Variants in AMER1 observed in about 807,000 individuals in gnomAD.
AMER1 encodes RP11-403E24.2.
AMER1 carries 16 observed loss-of-function variants against 53.0 expected under a neutral mutation model. That is an observed-to-expected ratio of 0.30 (90% CI 0.20 to 0.46). The LOEUF (loss-of-function observed/expected upper bound fraction) is 0.46, where lower values mean the gene tolerates loss of function less well. Among genes scored for constraint, AMER1 ranks in the 20% least tolerant of loss-of-function variants. The pLI is 1.00. For missense variants in AMER1, 947 were observed against 884.9 expected, an observed-to-expected ratio of 1.07 and a Z score of -0.89; for synonymous variants, 354 against 331.9, an observed-to-expected ratio of 1.07 and a Z score of -0.73.
In AMER1 at chrX:64,187,203, C is replaced by T. The variant is rs1930127162; in HGVS notation, c.*2676G>A. 1 of 787,191 alleles carries T rather than the reference C, an allele frequency of 1.3e-6. No individual in the cohort carries two copies. The highest frequency in any genetic ancestry group is 1.5e-6 in the Non-Finnish European group (1 of 659,022). 64.9% of individuals were successfully genotyped at this position (787,191 alleles called of 1,213,427 possible). ...ACCATGGGTCCCCAGACAGGTCTTC[C>T]TTCCTCCCCTAGGCTGCCATTGGGT... On this transcript the variant is annotated 3_prime_UTR_variant, in exon 2 of 2. Coordinates refer to ENST00000374869, the MANE Select transcript of AMER1 (RefSeq NM_152424.4).
rs369686178 is a variant in AMER1 at position 64,192,666 on chromosome X, G to A, written c.621C>T (p.His207=). Residue 207 remains histidine (H), a synonymous_variant, in exon 2 of 2, where the codon CAC becomes CAT. Transcript: ENST00000374869. ...AGGGCACCTGAGGGGCTGAGCTCAC[G>A]TGCTCATGAGGCCTGGCTCTGACCC... ...PERVRARPHE[H]VSSAPQVPCF... is the part of the protein sequence containing the mutation. The A allele has an allele frequency of 2.2e-5, 26 of 1,165,809 alleles. No individual in the cohort carries two copies. Among genetic ancestry groups the A allele is most frequent in the Admixed American group, 5.2e-5 (2 of 38,127 alleles).
intron 1 of AMER1, among the ~76,000 whole-genome samples, chrX:64,200,923 C>T (rs1168022500): frequency 9.0e-6 from 1 of 111,670 alleles, no homozygotes; most frequent in African/African-American, 3.3e-5. Flanking sequence ...GAGCCACAGC[C>T]CCCAGCAAGA....
chrX:64,200,035 C>T (rs780115409), intron 1 of AMER1, among the ~76,000 whole-genome samples: 54 of 112,804 alleles, frequency 4.8e-4, no homozygotes, highest in Admixed American at 1.5e-3. Context: ...CAGGTTCCTC[C>T]TCAGGCTCTT....
chrX:64,186,480 G>A lies in AMER1; in HGVS notation c.*3399C>T. 2 of 787,757 alleles carry A rather than the reference G, an allele frequency of 2.5e-6. No homozygotes were observed. Among genetic ancestry groups the A allele is most frequent in the Non-Finnish European group, 3.0e-6 (2 of 659,961 alleles). The allele number at this position is 787,757 out of a possible 1,213,427, so 64.9% of individuals were successfully genotyped here. ...CAACTTGAATGCAACATACACATGGGTAAACTTGAAGTCTCCCTGCTAAAC... is the reference window on the plus strand; with the variant it reads ...CAACTTGAATGCAACATACACATGGATAAACTTGAAGTCTCCCTGCTAAAC... On this transcript the variant is annotated 3_prime_UTR_variant, in exon 2 of 2. Transcript: ENST00000374869.
chrX:64,190,784 C>G lies in AMER1; in HGVS notation c.2503G>C (p.Ala835Pro), dbSNP rs200219038. Residue 835 changes from alanine (A) to proline (P), a missense_variant, in exon 2 of 2, where the codon GCA (alanine) becomes CCA (proline). Transcript: ENST00000374869. ...NPEFHNDEDL[A>P]ASLEAFELGY... ...AGCTCAAAGGCTTCCAAGGAGGCTG[C>G]AAGATCTTCATCATTGTGGAACTCA... 22 of 1,207,465 alleles carry G rather than the reference C, an allele frequency of 1.8e-5. No homozygotes were observed. Among genetic ancestry groups the G allele is most frequent in the Admixed American group, 6.6e-5 (3 of 45,529 alleles).
chrX:64,193,529 A>T lies in AMER1; in HGVS notation c.-98-145T>A. 6.6e-6 allele frequency: 3 copies of T among 455,218 alleles called. No individual in the cohort carries two copies. The South Asian group carries it at 9.9e-5, about 15-fold the overall frequency. The allele number at this position is 455,218 out of a possible 1,213,427, so 37.5% of individuals were successfully genotyped here. A position where few individuals can be genotyped will look rare whatever the true frequency, so the allele number is the denominator to read the frequency against. On this transcript the variant is annotated intron_variant, in intron 1 of 1. Transcript: ENST00000374869. ...TGTGGGGCAAATCTTAATCCACTCG[A>T]TATGCTTGGCTTGCTGGGCCAGCTC...
At position 64,188,173 on chromosome X, in the gene AMER1, A is replaced by G; in HGVS notation, c.*1706T>C. On this transcript the variant is annotated 3_prime_UTR_variant, in exon 2 of 2. Coordinates refer to ENST00000374869, the MANE Select transcript of AMER1 (RefSeq NM_152424.4). The stretch of plus-strand genomic sequence containing the variant: ...CAAGCTAAATTGCCATATCTCAGGA[A>G]TGGCAAGAACCCTGTTGACTTCTTC... The G allele has an allele frequency of 1.2e-6, 1 of 804,217 alleles. No individual in the cohort carries two copies. 66.3% of individuals were successfully genotyped at this position (804,217 alleles called of 1,213,427 possible).
intron 1 of AMER1, among the ~76,000 whole-genome samples, chrX:64,193,681 C>T (rs1930308892): frequency 8.9e-6 from 1 of 111,746 alleles, no homozygotes; most frequent in Admixed American, 9.4e-5. Context: ...GGGGGACCTG[C>T]AGTTGTGTGA....
chrX:64,196,929 T>C (rs1261972216), intron 1 of AMER1, among the ~76,000 whole-genome samples: 1 of 112,338 alleles, frequency 8.9e-6, no homozygotes, highest in Non-Finnish European at 1.9e-5. Context: ...CCCACCTAGC[T>C]ACCTCTGCCT....
chrX:64,204,176 C>A (rs1476343540), intron 1 of AMER1, among the ~76,000 whole-genome samples: 2 of 113,146 alleles, frequency 1.8e-5, no homozygotes, highest in African/African-American at 3.2e-5. Flanking sequence ...ATGAGGGGAG[C>A]CACACTGGGG....
At chrX:64,202,290 C>T (rs886635530) in intron 1 of AMER1, among the ~76,000 whole-genome samples, 6 of 112,046 alleles carry the variant, frequency 5.4e-5, no homozygotes, top group Non-Finnish European at 1.1e-4. Context: ...GAGTGAGAGG[C>T]TCCCCTTATG....
chrX:64,192,336 T>A lies in AMER1; in HGVS notation c.951A>T (p.Thr317=), dbSNP rs754637934. The change falls in exon 2 of 2, where the codon ACA becomes ACT. Residue 317 remains threonine (T), a synonymous_variant. Coordinates refer to ENST00000374869, the MANE Select transcript of AMER1 (RefSeq NM_152424.4). The part of the protein sequence containing the change: ...DPLSLLFGDV[T]SLKSFDSLTG... ...TCAATGAATCAAAGCTTTTCAGGGA[T>A]GTCACATCCCCAAACAAGAGGCTCA... 2 of 1,212,395 alleles carry A rather than the reference T, an allele frequency of 1.6e-6. No individual in the cohort carries two copies. The highest frequency in any genetic ancestry group is 5.9e-5 in the East Asian group (2 of 33,814).
rs1470139210 is a variant in AMER1, at chrX:64,187,323, T to G, written c.*2556A>C. 2 of 791,494 alleles carry G rather than the reference T, an allele frequency of 2.5e-6. No homozygotes were observed. Among genetic ancestry groups the G allele is most frequent in the Non-Finnish European group, 3.0e-6 (2 of 661,475 alleles). The allele number at this position is 791,494 out of a possible 1,213,427, so 65.2% of individuals were successfully genotyped here. ...CCCACTTCAGGTGGTAAGGATCCTATTCCTGGGCTGGCTAGGGCAGTGAAG... is the reference window on the plus strand; with the variant it reads ...CCCACTTCAGGTGGTAAGGATCCTAGTCCTGGGCTGGCTAGGGCAGTGAAG... On this transcript the variant is annotated 3_prime_UTR_variant, in exon 2 of 2. Coordinates refer to ENST00000374869, the MANE Select transcript of AMER1 (RefSeq NM_152424.4).
At position 64,190,164 on chromosome X, in the gene AMER1, G is replaced by A. The variant is rs1431998774; in HGVS notation, c.3123C>T (p.Ser1041=). 8.3e-7 allele frequency: 1 copy of A among 1,207,323 alleles called. No homozygotes were observed. The highest frequency in any genetic ancestry group is 1.1e-6 in the Non-Finnish European group (1 of 893,513). The part of the protein sequence containing the change: ...GPCYNLQPQA[S]QSMRARPRDV... ...CTCGAGGCCTGGCCCTCATGCTCTG[G>A]GAGGCCTGTGGCTGGAGGTTATAGC... The change falls in exon 2 of 2, where the codon TCC becomes TCT. Residue 1041 remains serine (S), a synonymous_variant. Transcript: ENST00000374869.
rs1386244906 is a variant in AMER1 at position 64,189,059 on chromosome X, A to T, written c.*820T>A. The T allele has an allele frequency of 1.2e-6, 1 of 800,631 alleles. No homozygotes were observed. The highest frequency in any genetic ancestry group is 7.2e-5 in the East Asian group (1 of 13,985). The allele number at this position is 800,631 out of a possible 1,213,427, so 66.0% of individuals were successfully genotyped here. On this transcript the variant is annotated 3_prime_UTR_variant, in exon 2 of 2. Coordinates refer to ENST00000374869, the MANE Select transcript of AMER1 (RefSeq NM_152424.4). Reference sequence around the variant, plus strand: ...TTTGTCTTCTGTTTGCAAATGGATGAATTTTATCACTCCATCAAGGGGATT... The same window carrying T: ...TTTGTCTTCTGTTTGCAAATGGATGTATTTTATCACTCCATCAAGGGGATT...
chrX:64,201,023 C>T (rs1930477547), intron 1 of AMER1, among the ~76,000 whole-genome samples: 1 of 110,962 alleles, frequency 9.0e-6, no homozygotes, highest in South Asian at 3.8e-4. Context: ...GGGGTAAAAA[C>T]TGTAGGAGAT....
chrX:64,191,470 C>T lies in AMER1; in HGVS notation c.1817G>A (p.Arg606Lys), dbSNP rs1198818173. 2 of 1,210,766 alleles carry T rather than the reference C, an allele frequency of 1.7e-6. No homozygotes were observed. The highest frequency in any genetic ancestry group is 4.4e-5 in the Admixed American group (2 of 45,965). Residue 606 changes from arginine to lysine, a missense_variant, in exon 2 of 2, where the codon AGG becomes AAG. By Grantham distance (26) the Arg-to-Lys change is conservative (BLOSUM62 2). Coordinates refer to ENST00000374869, the MANE Select transcript of AMER1 (RefSeq NM_152424.4). Reference sequence around the variant, plus strand: ...GTGGGCCTCCCTGGCATAGGCTTCCCTGCCATAAGCCTCTCGAGTATAGGC... The same window carrying T: ...GTGGGCCTCCCTGGCATAGGCTTCCTTGCCATAAGCCTCTCGAGTATAGGC... ...REAYTREAYG[R>K]EAYAREAHTW...
At position 64,191,745 on chromosome X, in the gene AMER1, G is replaced by T. The variant is rs2147088006; in HGVS notation, c.1542C>A (p.Ser514Arg). The T allele has an allele frequency of 8.3e-7, 1 of 1,211,551 alleles. No homozygotes were observed. Among genetic ancestry groups the T allele is most frequent in the Non-Finnish European group, 1.1e-6 (1 of 895,378 alleles). ...CATCTCCAGGTGGAGAGTTCTCAAG[G>T]CTGTCATCTGGCTCATAGAACTCAT... Reference protein sequence around the residue: ...ALYEFYEPDDSLENSPPGDDC... With the variant: ...ALYEFYEPDDRLENSPPGDDC... Residue 514 changes from serine (S) to arginine (R), a missense_variant, in exon 2 of 2, where the codon AGC becomes AGA. Transcript: ENST00000374869.
At chrX:64,200,538 T>A (rs1388338416) in intron 1 of AMER1, among the ~76,000 whole-genome samples, 1 of 112,193 alleles carries the variant, frequency 8.9e-6, no homozygotes, top group Non-Finnish European at 1.9e-5. Context: ...TTCCCTGTTC[T>A]GGACCTCAGT....
Sources: gnomAD v4.1 joint callset for allele counts (sites outside exome capture counted in the v4.1 genomes callset) on GRCh38, gnomAD v4.1.1 for gene constraint, MANE v1.5 for transcripts, NCBI Gene and HGNC (gene_info 2026-07-23, HGNC 2026-07-21) for gene names.